The following GFRA2 variants were observed in gnomAD, a reference collection of about 807,000 sequenced individuals.
The protein encoded by GFRA2 is GDNF family receptor alpha 2, also known as GDNF family receptor alpha-2.
Under a neutral mutation model 48.3 loss-of-function variants are expected in GFRA2, and 17 were observed. The observed-to-expected ratio is 0.35, with a 90% CI of 0.24 to 0.53. The LOEUF (loss-of-function observed/expected upper bound fraction) is 0.53, where lower values mean the gene tolerates loss of function less well. GFRA2 is among the 20% of genes least tolerant of loss of function. The pLI is 0.93. For synonymous variants in GFRA2, 305 were observed against 257.2 expected, an observed-to-expected ratio of 1.19 and a Z score of -1.78; for missense variants, 660 against 637.3, an observed-to-expected ratio of 1.04 and a Z score of -0.38.
intron 3 of GFRA2, among the ~76,000 whole-genome samples, chr8:21,759,461 G>A (rs184853434): frequency 4.7e-5 from 4 of 84,542 alleles, no homozygotes; most frequent in Admixed American, 1.2e-4. Flanking sequence ...AGAGAGGGAG[G>A]GAGGGAGGGA....
intron 2 of GFRA2, among the ~76,000 whole-genome samples, chr8:21,799,716 A>G (rs1346907110): frequency 2.0e-5 from 3 of 152,158 alleles, no homozygotes; most frequent in East Asian, 1.9e-4. Context: ...GTCACTTGTT[A>G]GTCTGAAGAA....
chr8:21,734,615 A>G (rs1486278859), intron 4 of GFRA2, among the ~76,000 whole-genome samples: 1 of 152,154 alleles, frequency 6.6e-6, no homozygotes, highest in Non-Finnish European at 1.5e-5. Context: ...CAGGTTTTTG[A>G]CTCACTGTCC....
At chr8:21,778,056 G>A (rs1426868209) in intron 2 of GFRA2, among the ~76,000 whole-genome samples, 1 of 152,194 alleles carries the variant, frequency 6.6e-6, no homozygotes, top group Non-Finnish European at 1.5e-5. Context: ...CAGGAAGGCG[G>A]AGCACAGCCC....
At chr8:21,742,412 G>GA (rs1804791537) in intron 4 of GFRA2, among the ~76,000 whole-genome samples, 1 of 152,170 alleles carries the variant, frequency 6.6e-6, no homozygotes, top group South Asian at 2.1e-4. Flanking sequence ...CCTCATCACA[G>GA]GGCCTTTATG....
intron 4 of GFRA2, among the ~76,000 whole-genome samples, chr8:21,740,271 T>C (rs1279615706): frequency 1.3e-5 from 2 of 152,160 alleles, no homozygotes; most frequent in Non-Finnish European, 2.9e-5. Context: ...GCCAAACTGC[T>C]ATTGAGCTCT....
intron 4 of GFRA2, among the ~76,000 whole-genome samples, chr8:21,734,515 G>C (rs1415194393): frequency 6.6e-6 from 1 of 151,792 alleles, no homozygotes; most frequent in Non-Finnish European, 1.5e-5. Flanking sequence ...CAACAGCCTA[G>C]TGAGGTGTTC....
At chr8:21,756,419 G>A (rs560920416) in intron 3 of GFRA2, among the ~76,000 whole-genome samples, 2 of 152,198 alleles carry the variant, frequency 1.3e-5, no homozygotes, top group Non-Finnish European at 2.9e-5. Context: ...CCCAGGAGCG[G>A]GCCTGGGCTC....
chr8:21,757,410 G>C (rs1182660852), intron 3 of GFRA2, among the ~76,000 whole-genome samples: 2 of 152,048 alleles, frequency 1.3e-5, no homozygotes, highest in Non-Finnish European at 2.9e-5. Flanking sequence ...TATTGAGCTG[G>C]GTTTACCAAA....
chr8:21,778,149 C>A (rs1244640956), intron 2 of GFRA2, among the ~76,000 whole-genome samples: 1 of 152,176 alleles, frequency 6.6e-6, no homozygotes, highest in African/African-American at 2.4e-5. Context: ...CATCGCTCCT[C>A]TCAGCGATTC....
chr8:21,790,805 G>A (rs1172422878), upstream of GFRA2, among the ~76,000 whole-genome samples: 2 of 152,234 alleles, frequency 1.3e-5, no homozygotes, highest in African/African-American at 4.8e-5. Context: ...CTTCGCATCT[G>A]ACAAGGTCTC....
At chr8:21,694,376 A>G in intron 8 of GFRA2, 88 bp downstream of exon 8, 1 of 1,264,452 alleles carries the variant, frequency 7.9e-7, no homozygotes, top group Non-Finnish European at 1.1e-6. Context: ...ATGAGATTTG[A>G]GGGCGCTGGA....
At chr8:21,723,008 T>C (rs2117453829) in intron 4 of GFRA2, among the ~76,000 whole-genome samples, 1 of 152,296 alleles carries the variant, frequency 6.6e-6, no homozygotes. Flanking sequence ...AGGCAGTCAC[T>C]GGGTCCCTCT....
At chr8:21,760,746 C>T (rs191007640) in intron 3 of GFRA2, among the ~76,000 whole-genome samples, 10 of 152,168 alleles carry the variant, frequency 6.6e-5, no homozygotes, top group East Asian at 5.8e-4. Flanking sequence ...CTCAGTGAGG[C>T]GCCACAGGTT....
At chr8:21,733,572 T>G (rs778489844) in intron 4 of GFRA2, among the ~76,000 whole-genome samples, 1 of 152,186 alleles carries the variant, frequency 6.6e-6, no homozygotes, top group Non-Finnish European at 1.5e-5. Flanking sequence ...TTTAAACACC[T>G]GGCAGGTTAT....
At chr8:21,703,508 G>A (rs1802586557) in intron 6 of GFRA2, among the ~76,000 whole-genome samples, 1 of 152,126 alleles carries the variant, frequency 6.6e-6, no homozygotes, top group African/African-American at 2.4e-5. Context: ...CATCCAGAGA[G>A]GTGCCCAGAA....
chr8:21,740,128 C>A (rs1043316921), intron 4 of GFRA2, among the ~76,000 whole-genome samples: 1 of 152,184 alleles, frequency 6.6e-6, no homozygotes, highest in Admixed American at 6.5e-5. Context: ...CTGAGACTTG[C>A]CCAGTGTGAT....
chr8:21,760,472 A>C (rs1399569061), intron 3 of GFRA2, among the ~76,000 whole-genome samples: 2 of 152,168 alleles, frequency 1.3e-5, no homozygotes, highest in African/African-American at 4.8e-5. Flanking sequence ...AAATCAAGAA[A>C]ACCTCTTGGA....
intron 2 of GFRA2, among the ~76,000 whole-genome samples, chr8:21,775,509 T>C (rs981239578): frequency 6.6e-5 from 10 of 152,186 alleles, no homozygotes; most frequent in African/African-American, 2.4e-4. Context: ...TGAAGAAACC[T>C]GCCTGAGATC....
intron 2 of GFRA2, among the ~76,000 whole-genome samples, chr8:21,776,859 C>T (rs1191918280): frequency 1.2e-4 from 18 of 152,258 alleles, no homozygotes; most frequent in Admixed American, 4.6e-4. Context: ...TCAATGTCCT[C>T]CACCCCACCT....
Sources: allele counts gnomAD v4.1 joint callset (sites outside exome capture counted in the v4.1 genomes callset), GRCh38; gene constraint gnomAD v4.1.1; transcripts MANE v1.5; gene names NCBI Gene and HGNC (gene_info 2026-07-23, HGNC 2026-07-21).